Variants in MAGI2 observed in about 807,000 individuals in gnomAD.
MAGI2 encodes membrane associated guanylate kinase, WW and PDZ domain containing 2.
In MAGI2, 35 loss-of-function variants were observed where a neutral mutation model predicts 133.3. The ratio of observed to expected loss-of-function variants is 0.26; its 90% confidence interval spans 0.20 to 0.35. MAGI2 has a LOEUF of 0.35. Among genes scored for constraint, MAGI2 ranks in the 10% least tolerant of loss-of-function variants. The probability of loss-of-function intolerance (pLI) is 1.00; values close to 1 mark genes in which losing one functional copy is unlikely to be tolerated. For missense variants in MAGI2, 1,636 were observed against 1,863.4 expected (o/e 0.88, Z 2.25); for synonymous variants, 729 against 710.6 (o/e 1.03, Z -0.41).
intron 9 of MAGI2, among the ~76,000 whole-genome samples, chr7:78,297,598 G>C (rs1334763335): frequency 2.0e-5 from 3 of 150,910 alleles, no homozygotes; most frequent in Non-Finnish European, 4.4e-5. Flanking sequence ...AACAATGATA[G>C]ACTGGATTAA....
At chr7:78,134,827 T>C in intron 17 of MAGI2, 194 bp downstream of exon 17, 1 of 560,732 alleles carries the variant, frequency 1.8e-6, no homozygotes. Flanking sequence ...AAACAGGTAC[T>C]GAGTAAACAA....
At position 78,338,261 on chromosome 7, in the gene MAGI2, C is replaced by T. The variant is rs182134294; in HGVS notation, c.1408+5517G>A. Among the ~76,000 whole-genome samples the T allele has an allele frequency of 1.8e-3, 269 of 152,162 alleles. 1 individual carries two copies. Among genetic ancestry groups the T allele is most frequent in the Middle Eastern group, 3.4e-3 (1 of 294 alleles). ...ATTAATGTACACGGTGGCGGCGTAC[C>T]GCTTTTTCTAGGCATTTCTCACTAC... On this transcript the variant is annotated intron_variant, in intron 9 of 21. Transcript: ENST00000354212.
At chr7:79,245,867 C>T (rs1291307151) in intron 1 of MAGI2, among the ~76,000 whole-genome samples, 4 of 152,178 alleles carry the variant, frequency 2.6e-5, no homozygotes, top group East Asian at 1.9e-4. Context: ...ATGGCCCCAG[C>T]GGTGGTGGCC....
At chr7:79,336,274 C>G (rs1480669638) in intron 1 of MAGI2, among the ~76,000 whole-genome samples, 2 of 152,094 alleles carry the variant, frequency 1.3e-5, no homozygotes, top group Non-Finnish European at 1.5e-5. Context: ...TAACGTCACA[C>G]TACTATTAAG....
chr7:78,900,253 T>C (rs1797519714), intron 2 of MAGI2, among the ~76,000 whole-genome samples: 1 of 152,196 alleles, frequency 6.6e-6, no homozygotes, highest in Non-Finnish European at 1.5e-5. Flanking sequence ...CTTCAGTACA[T>C]ATTTTTGCAT....
At chr7:78,427,672 A>C (rs1005147451) in intron 6 of MAGI2, among the ~76,000 whole-genome samples, 2 of 151,914 alleles carry the variant, frequency 1.3e-5, no homozygotes, top group African/African-American at 2.4e-5. Flanking sequence ...AAAAAAAAAA[A>C]AACAGCCAGA....
At chr7:79,352,813 C>T (rs1056303616) in intron 1 of MAGI2, among the ~76,000 whole-genome samples, 37 of 152,066 alleles carry the variant, frequency 2.4e-4, no homozygotes, top group African/African-American at 8.4e-4. Flanking sequence ...ATAAGCTATA[C>T]CAAGAGTGCC....
intron 2 of MAGI2, among the ~76,000 whole-genome samples, chr7:78,928,701 T>A (rs117462356): frequency 6.6e-6 from 1 of 152,206 alleles, no homozygotes; most frequent in Non-Finnish European, 1.5e-5. Flanking sequence ...GAAGATTACA[T>A]ATGATATCTT....
chr7:78,603,168 A>T lies in MAGI2; in HGVS notation c.538+23952T>A, dbSNP rs554635199. On this transcript the variant is annotated intron_variant, in intron 3 of 21. Coordinates refer to ENST00000354212, the MANE Select transcript of MAGI2 (RefSeq NM_012301.4). ...GAAGTGCCAAGAAAACTGATAATGT[A>T]AAGTACTAAAATCTTTCACAAAATT... Among the ~76,000 whole-genome samples the T allele has an allele frequency of 2.6e-5, 4 of 152,328 alleles. No individual in the cohort carries two copies. The East Asian group carries it at 7.7e-4, about 29-fold the overall frequency.
At chr7:78,990,067 C>A (rs1805616708) in intron 2 of MAGI2, among the ~76,000 whole-genome samples, 2 of 151,986 alleles carry the variant, frequency 1.3e-5, no homozygotes, top group South Asian at 4.2e-4. Context: ...GGACTTGTAA[C>A]AACCAAATTT....
intron 6 of MAGI2, among the ~76,000 whole-genome samples, chr7:78,447,244 A>G (rs1788237230): frequency 6.6e-6 from 1 of 152,000 alleles, no homozygotes; most frequent in African/African-American, 2.4e-5. Context: ...GTACAGTGCA[A>G]TGTTTTGATA....
chr7:78,664,144 C>T (rs958789743), intron 2 of MAGI2, among the ~76,000 whole-genome samples: 3 of 152,098 alleles, frequency 2.0e-5, no homozygotes, highest in Non-Finnish European at 4.4e-5. Flanking sequence ...TCATTCCAAA[C>T]CATGAATAAT....
chr7:78,280,284 G>T (rs1795436059), intron 9 of MAGI2, among the ~76,000 whole-genome samples: 1 of 151,964 alleles, frequency 6.6e-6, no homozygotes, highest in Non-Finnish European at 1.5e-5. Context: ...CCTTCACAAA[G>T]AAAGACAAAT....
chr7:79,307,106 G>A (rs1244434777), intron 1 of MAGI2, among the ~76,000 whole-genome samples: 2 of 152,174 alleles, frequency 1.3e-5, no homozygotes, highest in Non-Finnish European at 2.9e-5. Context: ...CTTACACTGA[G>A]CAGCAGGAGT....
intron 16 of MAGI2, among the ~76,000 whole-genome samples, chr7:78,153,390 G>T (rs569436556): frequency 6.6e-6 from 1 of 152,192 alleles, no homozygotes; most frequent in African/African-American, 2.4e-5. Flanking sequence ...AGGACCAGGC[G>T]TAGAGCCTCC....
At chr7:78,919,743 G>A (rs552319035) in intron 2 of MAGI2, among the ~76,000 whole-genome samples, 1 of 152,186 alleles carries the variant, frequency 6.6e-6, no homozygotes, top group Admixed American at 6.6e-5. Flanking sequence ...AGATAGATAT[G>A]ACTCACTTAT....
chr7:79,137,958 A>C (rs1277114640), intron 1 of MAGI2, among the ~76,000 whole-genome samples: 2 of 152,182 alleles, frequency 1.3e-5, no homozygotes, highest in Non-Finnish European at 2.9e-5. Context: ...ATGTAATCAC[A>C]AGCACACTTA....
At chr7:78,094,056 C>G (rs966516025) in intron 20 of MAGI2, among the ~76,000 whole-genome samples, 2 of 152,078 alleles carry the variant, frequency 1.3e-5, no homozygotes, top group African/African-American at 4.8e-5. Flanking sequence ...GAGAACTGAT[C>G]AATCAATAAA....
chr7:78,093,361 G>A (rs1417337378), intron 20 of MAGI2, among the ~76,000 whole-genome samples: 1 of 151,888 alleles, frequency 6.6e-6, no homozygotes, highest in Non-Finnish European at 1.5e-5. Context: ...GGCTGAGGCA[G>A]GAGAATTGCT....
Sources: gnomAD v4.1 joint callset for allele counts (sites outside exome capture counted in the v4.1 genomes callset) on GRCh38, gnomAD v4.1.1 for gene constraint, MANE v1.5 for transcripts, NCBI Gene and HGNC (gene_info 2026-07-23, HGNC 2026-07-21) for gene names.